CYB5R4: variants seen among roughly 807,000 people sequenced by gnomAD.
CYB5R4 encodes N-terminal cytochrome b5 and cytochrome b5 oxidoreductase domain-containing protein.
Under a neutral mutation model 70.2 loss-of-function variants are expected in CYB5R4, and 55 were observed. The observed-to-expected ratio is 0.78, with a 90% confidence interval of 0.63 to 0.98. The LOEUF is 0.98. CYB5R4 is among the 50% of genes least tolerant of loss of function. The pLI, the probability that CYB5R4 is intolerant of heterozygous loss-of-function variation, is 0.00. For synonymous variants in CYB5R4, 197 were observed against 199.5 expected (o/e 0.99, Z 0.11); for missense variants, 562 against 612.6 (o/e 0.92, Z 0.87).
At chr6:83,932,296 T>C (rs2099468277) in intron 10 of CYB5R4, among the ~76,000 whole-genome samples, 1 of 152,178 alleles carries the variant, frequency 6.6e-6, no homozygotes, top group African/African-American at 2.4e-5. Flanking sequence ...AAGAATGCTG[T>C]GTCAACTCTC....
chr6:83,952,328 A>G (rs956325187), intron 14 of CYB5R4, among the ~76,000 whole-genome samples: 3 of 152,188 alleles, frequency 2.0e-5, no homozygotes, highest in Admixed American at 6.6e-5. Flanking sequence ...TCTAAAGTAC[A>G]TAAGTGACTG....
chr6:83,913,949 A>T (rs571341465), intron 4 of CYB5R4, among the ~76,000 whole-genome samples: 1 of 152,274 alleles, frequency 6.6e-6, no homozygotes, highest in Non-Finnish European at 1.5e-5. Flanking sequence ...ACATATTTTA[A>T]ACTTGTAATA....
intron 2 of CYB5R4, among the ~76,000 whole-genome samples, chr6:83,879,951 C>G (rs541132553): frequency 6.6e-6 from 1 of 152,138 alleles, no homozygotes. Flanking sequence ...AGGGGCGTGT[C>G]ATCCTTTGGA....
At chr6:83,881,874 C>A (rs144683573) in intron 2 of CYB5R4, among the ~76,000 whole-genome samples, 1 of 152,106 alleles carries the variant, frequency 6.6e-6, no homozygotes, top group African/African-American at 2.4e-5. Flanking sequence ...TTGAATATAC[C>A]GATACCACAT....
chr6:83,902,711 G>A (rs1480149362), intron 3 of CYB5R4, among the ~76,000 whole-genome samples: 1 of 151,984 alleles, frequency 6.6e-6, no homozygotes, highest in Non-Finnish European at 1.5e-5. Context: ...TTTCATCAAT[G>A]TTCTGTAGTT....
chr6:83,876,005 G>A (rs2099458485), intron 2 of CYB5R4, among the ~76,000 whole-genome samples: 2 of 152,078 alleles, frequency 1.3e-5, no homozygotes, highest in Admixed American at 1.3e-4. Context: ...TGGTTCGAAC[G>A]CCTCTGACAG....
intron 10 of CYB5R4, among the ~76,000 whole-genome samples, chr6:83,929,957 G>A (rs576327807): frequency 6.6e-6 from 1 of 152,166 alleles, no homozygotes; most frequent in Non-Finnish European, 1.5e-5. Flanking sequence ...CACCACAATA[G>A]AGTATCACAA....
At chr6:83,863,102 A>G (rs2099456210) in intron 1 of CYB5R4, among the ~76,000 whole-genome samples, 1 of 152,250 alleles carries the variant, frequency 6.6e-6, no homozygotes, top group African/African-American at 2.4e-5. Context: ...GTTCTGGTCA[A>G]AGTACTAATA....
chr6:83,924,659 C>T, intron 10 of CYB5R4, 67 bp downstream of exon 10: 1 of 1,542,548 alleles, frequency 6.5e-7, no homozygotes, highest in Admixed American at 1.8e-5. Flanking sequence ...TACAGTTGTA[C>T]CAGAGTTTGG....
At chr6:83,924,925 C>A (rs143976775) in intron 10 of CYB5R4, among the ~76,000 whole-genome samples, 379 of 152,160 alleles carry the variant, frequency 2.5e-3, no homozygotes, top group African/African-American at 7.5e-3. Context: ...TAAGTTTATG[C>A]TTTGTATGTC....
chr6:83,890,055 A>T (rs1425064525), intron 2 of CYB5R4, among the ~76,000 whole-genome samples: 1 of 152,198 alleles, frequency 6.6e-6, no homozygotes, highest in African/African-American at 2.4e-5. Flanking sequence ...ATCACCTTCT[A>T]ACACGGCATC....
At chr6:83,922,784 C>A (rs1036949193) in intron 9 of CYB5R4, among the ~76,000 whole-genome samples, 1 of 151,798 alleles carries the variant, frequency 6.6e-6, no homozygotes, top group African/African-American at 2.4e-5. Context: ...ATTTTTTCTT[C>A]CCCTTATTCC....
At chr6:83,900,461 G>C (rs2099462732) in intron 3 of CYB5R4, among the ~76,000 whole-genome samples, 1 of 152,148 alleles carries the variant, frequency 6.6e-6, no homozygotes, top group Non-Finnish European at 1.5e-5. Flanking sequence ...GGGGTGGAGA[G>C]TTCTGTAGCT....
intron 10 of CYB5R4, among the ~76,000 whole-genome samples, chr6:83,925,073 G>GA (rs1463083631): frequency 6.6e-6 from 1 of 152,070 alleles, no homozygotes; most frequent in Non-Finnish European, 1.5e-5. Flanking sequence ...AATTTATAAA[G>GA]AAAAAAGGTT....
chr6:83,921,544 C>T (rs1359847498), intron 8 of CYB5R4, among the ~76,000 whole-genome samples: 6 of 152,176 alleles, frequency 3.9e-5, no homozygotes, highest in Non-Finnish European at 8.8e-5. Context: ...TGTTCCTTGC[C>T]AGTTCTGCCA....
At chr6:83,905,255 C>T (rs1335163620) in intron 3 of CYB5R4, among the ~76,000 whole-genome samples, 1 of 152,180 alleles carries the variant, frequency 6.6e-6, no homozygotes, top group African/African-American at 2.4e-5. Context: ...TGGGGTTTCA[C>T]CATGTTGGCC....
intron 2 of CYB5R4, among the ~76,000 whole-genome samples, chr6:83,865,983 C>T (rs979312335): frequency 1.3e-5 from 2 of 152,152 alleles, no homozygotes; most frequent in African/African-American, 4.8e-5. Flanking sequence ...TTTATCCTTC[C>T]TTCATGCTCC....
At chr6:83,863,751 A>G (rs1251587949) in intron 1 of CYB5R4, among the ~76,000 whole-genome samples, 2 of 152,250 alleles carry the variant, frequency 1.3e-5, no homozygotes, top group African/African-American at 4.8e-5. Context: ...AAAAATAAGA[A>G]TTATAAAACA....
At chr6:83,958,793 A>T (rs1449531568) in intron 15 of CYB5R4, among the ~76,000 whole-genome samples, 2 of 152,242 alleles carry the variant, frequency 1.3e-5, no homozygotes, top group Non-Finnish European at 2.9e-5. Context: ...GTCCTAGGGC[A>T]GTTCTTAACC....
Sources: allele counts gnomAD v4.1 joint callset (sites outside exome capture counted in the v4.1 genomes callset), GRCh38; gene constraint gnomAD v4.1.1; transcripts MANE v1.5; gene names NCBI Gene and HGNC (gene_info 2026-07-23, HGNC 2026-07-21).